Variants in UGT1A9 observed in about 807,000 individuals in gnomAD.
UGT1A9 encodes UDP-glucuronosyltransferase 1A9.
UGT1A9 carries 35 observed loss-of-function variants against 45.0 expected under a neutral mutation model. The observed-to-expected ratio is 0.78, with a 90% CI of 0.59 to 1.03. UGT1A9 has a LOEUF of 1.03. Among genes scored for constraint, UGT1A9 ranks in the 50% least tolerant of loss-of-function variants. The pLI is 0.00. For missense variants in UGT1A9, 687 were observed against 666.6 expected (o/e 1.03, Z -0.34); for synonymous variants, 278 against 250.6 (o/e 1.11, Z -1.03).
chr2:233,768,371 C>T lies in UGT1A9; in HGVS notation c.1227C>T (p.Thr409=). The T allele has an allele frequency of 6.2e-7, 1 of 1,614,074 alleles. No homozygotes were observed. Among genetic ancestry groups the T allele is most frequent in the South Asian group, 1.1e-5 (1 of 91,082 alleles). ...TGGAGACTAAGGGAGCTGGAGTGAC[C>T]CTGAATGTTCTGGAAATGACTTCTG... is the stretch of plus-strand genomic sequence containing the variant. The part of the protein sequence containing the change: ...KRMETKGAGV[T]LNVLEMTSED... Residue 409 remains threonine, a synonymous_variant, in exon 4 of 5, where the codon ACC becomes ACT. Coordinates refer to ENST00000354728, the MANE Select transcript of UGT1A9 (RefSeq NM_021027.3).
At chr2:233,717,293 A>G (rs2076562605) in intron 1 of UGT1A9, among the ~76,000 whole-genome samples, 1 of 152,182 alleles carries the variant, frequency 6.6e-6, no homozygotes, top group Admixed American at 6.5e-5. Context: ...TTGCACCCAC[A>G]GCTGAGAATC....
At chr2:233,767,198 A>G in intron 2 of UGT1A9, 33 bp downstream of exon 2, 1 of 1,613,498 alleles carries the variant, frequency 6.2e-7, no homozygotes, top group Non-Finnish European at 8.5e-7. Flanking sequence ...CCTCATATCT[A>G]TTTTCACAGG....
Position 233,772,498 on chromosome 2 carries a change from A to C in UGT1A9, c.1532A>C (p.Tyr511Ser). The change falls in exon 5 of 5, where the codon TAC (tyrosine) becomes TCC (serine). Residue 511 changes from tyrosine to serine, a missense_variant. Physicochemically the swap from Tyr to Ser is moderately radical, Grantham distance 144 (BLOSUM62 -2). Coordinates refer to ENST00000354728, the MANE Select transcript of UGT1A9 (RefSeq NM_021027.3). ...FITFKCCAYG[Y>S]RKCLGKKGRV... is the part of the protein sequence containing the mutation. ...ACCTTTAAATGTTGTGCTTATGGCTACCGGAAATGCTTGGGGAAAAAAGGG... is the reference window on the plus strand; with the variant it reads ...ACCTTTAAATGTTGTGCTTATGGCTCCCGGAAATGCTTGGGGAAAAAAGGG... 1.2e-6 allele frequency: 2 copies of C among 1,614,186 alleles called. No individual in the cohort carries two copies. The highest frequency in any genetic ancestry group is 2.2e-5 in the South Asian group (2 of 91,082).
chr2:233,747,354 G>T (rs753872482), intron 1 of UGT1A9: 336 of 1,602,388 alleles, frequency 2.1e-4, no homozygotes, highest in Admixed American at 4.5e-4. Context: ...GCGGGAGGCC[G>T]TGCGGGAGCT....
At chr2:233,676,444 TG>T (rs1282482436) in intron 1 of UGT1A9, among the ~76,000 whole-genome samples, 5 of 152,234 alleles carry the variant, frequency 3.3e-5, no homozygotes, top group Non-Finnish European at 7.3e-5. Flanking sequence ...CATGTTTCTA[TG>T]GCACATCCAT....
At chr2:233,747,235 C>G in intron 1 of UGT1A9, 2 of 1,604,608 alleles carry the variant, frequency 1.2e-6, no homozygotes. Flanking sequence ...ACCCCAGGTT[C>G]CCCTGCTGTG....
chr2:233,695,895 G>A (rs904649392), intron 1 of UGT1A9, among the ~76,000 whole-genome samples: 2 of 152,170 alleles, frequency 1.3e-5, no homozygotes, highest in African/African-American at 4.8e-5. Flanking sequence ...GTGAACAAAT[G>A]TGTGGGGTTT....
chr2:233,702,774 C>T (rs908895001), intron 1 of UGT1A9, among the ~76,000 whole-genome samples: 2 of 152,132 alleles, frequency 1.3e-5, no homozygotes, highest in East Asian at 3.8e-4. Context: ...AATTGATTTG[C>T]AGGTGTAAAC....
chr2:233,696,866 G>A, intron 1 of UGT1A9, among the ~76,000 whole-genome samples: 1 of 152,130 alleles, frequency 6.6e-6, no homozygotes, highest in East Asian at 1.9e-4. Context: ...TGTTTTTTCA[G>A]CATCTACAAC....
intron 1 of UGT1A9, among the ~76,000 whole-genome samples, chr2:233,728,459 T>G (rs570780705): frequency 6.6e-6 from 1 of 152,268 alleles, no homozygotes; most frequent in South Asian, 2.1e-4. Context: ...CTCAACAAAG[T>G]CTTCCCAAGA....
chr2:233,698,451 T>A (rs190964166), intron 1 of UGT1A9, among the ~76,000 whole-genome samples: 37 of 152,294 alleles, frequency 2.4e-4, no homozygotes, highest in Admixed American at 2.1e-3. Flanking sequence ...TCACAGATCA[T>A]AGAAAATGAA....
chr2:233,691,333 C>G (rs1465686537), intron 1 of UGT1A9: 6 of 985,436 alleles, frequency 6.1e-6, no homozygotes, highest in Non-Finnish European at 7.2e-6. Flanking sequence ...TTGGACTGAG[C>G]TGAGTCTTCG....
At chr2:233,691,342 C>T (rs951166922) in intron 1 of UGT1A9, 24 of 985,412 alleles carry the variant, frequency 2.4e-5, no homozygotes, top group African/African-American at 3.5e-5. Context: ...GCTGAGTCTT[C>T]GCATGCCTTG....
In UGT1A9 at chr2:233,772,456, T is replaced by A; in HGVS notation, c.1490T>A (p.Leu497Gln). The A allele has an allele frequency of 6.2e-7, 1 of 1,614,218 alleles. No homozygotes were observed. The highest frequency in any genetic ancestry group is 8.5e-7 in the Non-Finnish European group (1 of 1,180,044). Residue 497 changes from leucine to glutamine, a missense_variant, in exon 5 of 5, where the codon CTG (leucine) becomes CAG (glutamine). Leu to Gln is a moderately radical substitution (Grantham distance 113). Coordinates refer to ENST00000354728, the MANE Select transcript of UGT1A9 (RefSeq NM_021027.3). ...ATTGGTTTCCTCTTGGCCGTCGTGC[T>A]GACAGTGGCCTTCATCACCTTTAAA... is the stretch of plus-strand genomic sequence containing the variant. ...DVIGFLLAVV[L>Q]TVAFITFKCC...
At chr2:233,693,657 A>T in intron 1 of UGT1A9, 1 of 1,614,170 alleles carries the variant, frequency 6.2e-7, no homozygotes, top group South Asian at 1.1e-5. Flanking sequence ...AATTTGTTGG[A>T]GCCCTATCTA....
chr2:233,679,357 A>T (rs1178042272), intron 1 of UGT1A9, among the ~76,000 whole-genome samples: 7 of 152,228 alleles, frequency 4.6e-5, no homozygotes. Context: ...TTTGTACAAC[A>T]ATAAAACTGT....
intron 1 of UGT1A9, among the ~76,000 whole-genome samples, chr2:233,764,553 G>A (rs1698592090): frequency 1.3e-5 from 2 of 152,198 alleles, no homozygotes; most frequent in South Asian, 4.1e-4. Flanking sequence ...GTGTGGGAGG[G>A]TGTGCCTGGA....
intron 1 of UGT1A9, among the ~76,000 whole-genome samples, chr2:233,699,481 C>T (rs2075508169): frequency 6.6e-6 from 1 of 152,178 alleles, no homozygotes; most frequent in Non-Finnish European, 1.5e-5. Flanking sequence ...AAATCCTAGT[C>T]TCTTCTACTT....
intron 1 of UGT1A9, chr2:233,717,733 A>T (rs2076602571): frequency 4.4e-6 from 2 of 456,030 alleles, no homozygotes; most frequent in Admixed American, 4.7e-5. Context: ...GACCATTGTG[A>T]GTGCTCAGGG....
Sources: allele counts gnomAD v4.1 joint callset (sites outside exome capture counted in the v4.1 genomes callset), GRCh38; gene constraint gnomAD v4.1.1; transcripts MANE v1.5; gene names NCBI Gene and HGNC (gene_info 2026-07-23, HGNC 2026-07-21).